The following MC2R variants were observed in gnomAD, a reference collection of about 807,000 sequenced individuals.
The protein encoded by MC2R is melanocortin 2 receptor.
MC2R carries 9 observed loss-of-function variants against 9.8 expected under a neutral mutation model. The observed-to-expected ratio is 0.92, with a 90% confidence interval of 0.55 to 1.60. The LOEUF is 1.60. Among genes scored for constraint, MC2R ranks in the 40% most tolerant of loss-of-function variants. The pLI, the probability that MC2R is intolerant of heterozygous loss-of-function variation, is 0.00. For missense variants in MC2R, 370 were observed against 389.0 expected, an observed-to-expected ratio of 0.95 and a Z score of 0.41; for synonymous variants, 185 against 154.7, an observed-to-expected ratio of 1.20 and a Z score of -1.45.
rs557257670 is a variant in MC2R, at chr18:13,898,165, A to C, written c.-128-12519T>G. On this transcript the variant is annotated intron_variant, in intron 1 of 1. Coordinates refer to ENST00000327606, the MANE Select transcript of MC2R (RefSeq NM_000529.2). ...CCCACTGCCCTGAAGGGTGATTCCCAGAGCAGGCAGCATTCACCACAACCT... is the reference window on the plus strand; with the variant it reads ...CCCACTGCCCTGAAGGGTGATTCCCCGAGCAGGCAGCATTCACCACAACCT... 8.1e-4 allele frequency among the ~76,000 whole-genome samples: 124 copies of C among 152,308 alleles called. 2 individuals carry two copies. The highest frequency in any genetic ancestry group is 1.0e-4 in the Non-Finnish European group (7 of 68,030).
chr18:13,889,577 C>A (rs1272134014), intron 1 of MC2R, among the ~76,000 whole-genome samples: 1 of 152,098 alleles, frequency 6.6e-6, no homozygotes, highest in Non-Finnish European at 1.5e-5. Flanking sequence ...AACATGGCCC[C>A]GGATAACTCA....
At chr18:13,914,201 C>G (rs2045462838) in intron 1 of MC2R, among the ~76,000 whole-genome samples, 1 of 152,116 alleles carries the variant, frequency 6.6e-6, no homozygotes, top group Non-Finnish European at 1.5e-5. Context: ...ACCCCATTAC[C>G]CTGGTTCATG....
chr18:13,895,923 T>G (rs2045343607), intron 1 of MC2R, among the ~76,000 whole-genome samples: 1 of 152,198 alleles, frequency 6.6e-6, no homozygotes. Flanking sequence ...TTGGACTCCA[T>G]AAGTCTCTAG....
chr18:13,884,593 C>A lies in MC2R; in HGVS notation c.*32G>T. On this transcript the variant is annotated 3_prime_UTR_variant, in exon 2 of 2. Coordinates refer to ENST00000327606, the MANE Select transcript of MC2R (RefSeq NM_000529.2). ...TATTCTGGCACTTGGCAACGTTATTCCCATGGATTCTAAAACCAGGGATCA... is the reference window on the plus strand; with the variant it reads ...TATTCTGGCACTTGGCAACGTTATTACCATGGATTCTAAAACCAGGGATCA... 6.2e-7 allele frequency: 1 copy of A among 1,607,680 alleles called. No individual in the cohort carries two copies.
In MC2R at chr18:13,882,202, G is replaced by T. The variant is rs544309823; in HGVS notation, c.*2423C>A. On this transcript the variant is annotated 3_prime_UTR_variant, in exon 2 of 2. Coordinates refer to ENST00000327606, the MANE Select transcript of MC2R (RefSeq NM_000529.2). ...TTAAAAATTGGGTAATTTGATAAAA[G>T]AATTAAGTCCTCATGGGAAAAGTCT... The T allele has an allele frequency of 6.6e-6, 1 of 152,184 alleles. No homozygotes were observed. The highest frequency in any genetic ancestry group is 2.4e-5 in the African/African-American group (1 of 41,430). 9.4% of individuals were successfully genotyped at this position (152,184 alleles called of 1,614,324 possible).
At chr18:13,907,826 T>G (rs2045422217) in intron 1 of MC2R, among the ~76,000 whole-genome samples, 1 of 152,086 alleles carries the variant, frequency 6.6e-6, no homozygotes, top group African/African-American at 2.4e-5. Flanking sequence ...AAAGCTACAA[T>G]GAGATATAAT....
At chr18:13,912,708 A>G (rs996700823) in intron 1 of MC2R, among the ~76,000 whole-genome samples, 3 of 152,224 alleles carry the variant, frequency 2.0e-5, no homozygotes, top group African/African-American at 7.2e-5. Context: ...GCTAGGGCCC[A>G]GTCACTGTCT....
intron 1 of MC2R, among the ~76,000 whole-genome samples, chr18:13,899,337 TAA>T (rs553003262): frequency 2.6e-5 from 4 of 151,086 alleles, no homozygotes. Context: ...GAAAAAAGAA[TAA>T]AAAAAATGAA....
chr18:13,889,736 A>T (rs1374215785), intron 1 of MC2R, among the ~76,000 whole-genome samples: 6 of 152,188 alleles, frequency 3.9e-5, no homozygotes, highest in Non-Finnish European at 1.5e-5. Context: ...TCCAAGGGTA[A>T]GGAGAAGGCT....
At chr18:13,904,218 C>A (rs1297132172) in intron 1 of MC2R, among the ~76,000 whole-genome samples, 37 of 144,440 alleles carry the variant, frequency 2.6e-4, no homozygotes, top group Admixed American at 9.6e-4. Flanking sequence ...ACTAAAAATA[C>A]AAAAAAAAAA....
At position 13,908,851 on chromosome 18, in the gene MC2R, C is replaced by G. The variant is rs1187114233; in HGVS notation, c.-129+6637G>C. 3.9e-5 allele frequency among the ~76,000 whole-genome samples: 6 copies of G among 152,080 alleles called. No homozygotes were observed. The East Asian group carries it at 1.2e-3, about 29-fold the overall frequency. The stretch of plus-strand genomic sequence containing the variant: ...TTTAAATAAACGTTTTATTTTAGAA[C>G]AGTTTTAAATTTATGGAAAAGTTGC... On this transcript the variant is annotated intron_variant, in intron 1 of 1. Coordinates refer to ENST00000327606, the MANE Select transcript of MC2R (RefSeq NM_000529.2).
At chr18:13,903,589 C>T (rs2149141498) in intron 1 of MC2R, among the ~76,000 whole-genome samples, 1 of 152,280 alleles carries the variant, frequency 6.6e-6, no homozygotes, top group Non-Finnish European at 1.5e-5. Context: ...ACAAACATCA[C>T]ATGTTCTCAC....
At chr18:13,909,409 T>C (rs1349093432) in intron 1 of MC2R, among the ~76,000 whole-genome samples, 1 of 152,202 alleles carries the variant, frequency 6.6e-6, no homozygotes, top group East Asian at 1.9e-4. Flanking sequence ...TCCTGCACAC[T>C]GTTTCCATAA....
rs537923395 is a variant in MC2R, at chr18:13,882,438, G to A, written c.*2187C>T. The A allele has an allele frequency of 3.3e-5, 5 of 152,306 alleles. No individual in the cohort carries two copies. The South Asian group carries it at 1.0e-3, about 32-fold the overall frequency. The allele number at this position is 152,306 out of a possible 1,614,324, so 9.4% of individuals were successfully genotyped here. ...GAATTAGCACTCAGACTTCATTTTTGTTTCATCCACCATTAGACTAGCCAT... is the reference window on the plus strand; with the variant it reads ...GAATTAGCACTCAGACTTCATTTTTATTTCATCCACCATTAGACTAGCCAT... On this transcript the variant is annotated 3_prime_UTR_variant, in exon 2 of 2. Coordinates refer to ENST00000327606, the MANE Select transcript of MC2R (RefSeq NM_000529.2).
At chr18:13,915,089 C>T (rs748202510) in intron 1 of MC2R, among the ~76,000 whole-genome samples, 2 of 152,154 alleles carry the variant, frequency 1.3e-5, no homozygotes, top group African/African-American at 4.8e-5. Flanking sequence ...GGCGCTAAAA[C>T]CCCCGCACTC....
intron 1 of MC2R, among the ~76,000 whole-genome samples, chr18:13,894,960 C>T (rs1047713730): frequency 2.0e-5 from 3 of 152,220 alleles, no homozygotes; most frequent in East Asian, 1.9e-4. Context: ...GTGTGGCAGG[C>T]GACACTCTCT....
Position 13,909,398 on chromosome 18 carries a change from T to C in MC2R, c.-129+6090A>G, listed in dbSNP as rs573469699. ...CGGGTTTCCCCACTGCAGTTAGTGT[T>C]TCCTGCACACTGTTTCCATAATGGA... On this transcript the variant is annotated intron_variant, in intron 1 of 1. Transcript: ENST00000327606. Among the ~76,000 whole-genome samples, 30 of 152,310 alleles carry C rather than the reference T, an allele frequency of 2.0e-4. 1 individual carries two copies. In the South Asian group the frequency reaches 2.9e-3, roughly 15 times the overall value.
At position 13,885,206 on chromosome 18, in the gene MC2R, T is replaced by C. The variant is rs757542034; in HGVS notation, c.313A>G (p.Ile105Val). ...RGSFETTADD[I>V]IDSLFVLSLL... ...GAGAGGACAAACAGGGAGTCGATGA[T>C]GTCATCGGCTGTGGTTTCAAAACTG... The change falls in exon 2 of 2, where the codon ATC becomes GTC. Residue 105 changes from isoleucine (I) to valine (V), a missense_variant. By Grantham distance (29) the Ile-to-Val change is conservative. Transcript: ENST00000327606. The C allele has an allele frequency of 6.2e-7, 1 of 1,614,074 alleles. No homozygotes were observed. The highest frequency in any genetic ancestry group is 2.2e-5 in the East Asian group (1 of 44,880).
At chr18:13,913,382 T>C (rs12454360) in intron 1 of MC2R, among the ~76,000 whole-genome samples, 79,472 of 151,820 alleles carry the variant, frequency 0.52, 21,963 homozygotes, top group African/African-American at 0.71. Flanking sequence ...AAACGCTTGC[T>C]GCCCCCAGGT....
Sources: gnomAD v4.1 joint callset for allele counts (sites outside exome capture counted in the v4.1 genomes callset) on GRCh38, gnomAD v4.1.1 for gene constraint, MANE v1.5 for transcripts, NCBI Gene and HGNC (gene_info 2026-07-23, HGNC 2026-07-21) for gene names.